Variants in CCDC91 observed in about 807,000 individuals in gnomAD.
CCDC91 encodes coiled-coil domain-containing protein 91.
A neutral mutation model predicts 63.2 loss-of-function variants in CCDC91; 48 were observed. The ratio of observed to expected loss-of-function variants is 0.76; its 90% CI spans 0.60 to 0.97. The LOEUF (loss-of-function observed/expected upper bound fraction) is 0.97. Among genes scored for constraint, CCDC91 ranks in the 50% least tolerant of loss-of-function variants. CCDC91 has a pLI of 0.00. For synonymous variants in CCDC91, 167 were observed against 165.8 expected, an observed-to-expected ratio of 1.01 and a Z score of -0.06; for missense variants, 500 against 494.6, an observed-to-expected ratio of 1.01 and a Z score of -0.10.
At chr12:28,360,852 A>G (rs1943832951) in intron 6 of CCDC91, among the ~76,000 whole-genome samples, 1 of 151,926 alleles carries the variant, frequency 6.6e-6, no homozygotes, top group African/African-American at 2.4e-5. Context: ...TTCACCTATT[A>G]AGCTTTCTGT....
At chr12:28,326,181 G>C (rs1940977383) in intron 6 of CCDC91, among the ~76,000 whole-genome samples, 1 of 151,988 alleles carries the variant, frequency 6.6e-6, no homozygotes, top group Non-Finnish European at 1.5e-5. Context: ...ACATGATGCT[G>C]AGATTCTGCT....
intron 8 of CCDC91, among the ~76,000 whole-genome samples, chr12:28,415,820 G>C (rs1947623025): frequency 6.6e-6 from 1 of 152,026 alleles, no homozygotes. Flanking sequence ...TAAGAATAAA[G>C]TGGAAAAAAG....
intron 11 of CCDC91, among the ~76,000 whole-genome samples, chr12:28,460,802 T>G (rs1950268482): frequency 1.3e-5 from 2 of 152,092 alleles, no homozygotes; most frequent in South Asian, 4.2e-4. Context: ...TGTATGTGTG[T>G]GTGTGTGTGT....
chr12:28,305,876 T>C, intron 4 of CCDC91, 70 bp downstream of exon 4: 1 of 1,330,566 alleles, frequency 7.5e-7, no homozygotes, highest in Non-Finnish European at 1.0e-6. Context: ...AATTGTTGCT[T>C]TTTTAATTTC....
At chr12:28,350,265 TA>T (rs540067083) in intron 6 of CCDC91, among the ~76,000 whole-genome samples, 55 of 152,230 alleles carry the variant, frequency 3.6e-4, no homozygotes, top group Non-Finnish European at 7.8e-4. Context: ...CCATTTCTTT[TA>T]AAGATCTGGT....
chr12:28,314,581 A>T (rs570165699), intron 6 of CCDC91, among the ~76,000 whole-genome samples: 5 of 152,072 alleles, frequency 3.3e-5, no homozygotes, highest in African/African-American at 1.2e-4. Context: ...TGCTGAAGGA[A>T]ATATTAGTAC....
intron 3 of CCDC91, chr12:28,304,544 T>A (rs1938502435): frequency 2.1e-6 from 1 of 476,752 alleles, no homozygotes; most frequent in African/African-American, 2.0e-5. Context: ...ATAAGATAAT[T>A]GAATTCTTAG....
chr12:28,504,891 G>A (rs988328724), intron 12 of CCDC91, among the ~76,000 whole-genome samples: 1 of 151,948 alleles, frequency 6.6e-6, no homozygotes, highest in Non-Finnish European at 1.5e-5. Context: ...TTCTTTTGGA[G>A]TTGTCATTTC....
chr12:28,222,383 T>G (rs1454036756), intron 1 of CCDC91, among the ~76,000 whole-genome samples: 1 of 152,192 alleles, frequency 6.6e-6, no homozygotes, highest in Non-Finnish European at 1.5e-5. Context: ...ATTTTTCATT[T>G]ACTCTGTTCA....
At chr12:28,335,257 CATATAAT>C (rs1014086013) in intron 6 of CCDC91, among the ~76,000 whole-genome samples, 29 of 129,604 alleles carry the variant, frequency 2.2e-4, no homozygotes, top group African/African-American at 4.9e-4. Flanking sequence ...ATATATAATA[CATATAAT>C]ATATAATATA....
At chr12:28,328,964 A>G (rs1329154851) in intron 6 of CCDC91, among the ~76,000 whole-genome samples, 3 of 152,154 alleles carry the variant, frequency 2.0e-5, no homozygotes, top group Non-Finnish European at 4.4e-5. Context: ...GACAATGGAA[A>G]AGAAATGAGA....
intron 10 of CCDC91, among the ~76,000 whole-genome samples, chr12:28,451,915 C>T (rs1949819965): frequency 6.6e-6 from 1 of 151,584 alleles, no homozygotes; most frequent in African/African-American, 2.4e-5. Flanking sequence ...AACTAAAAAA[C>T]ATCATTACAG....
chr12:28,309,494 A>G (rs73263480), intron 6 of CCDC91, among the ~76,000 whole-genome samples: 4,395 of 152,120 alleles, frequency 0.029, 180 homozygotes, highest in African/African-American at 0.095. Context: ...TGTTCTTCAC[A>G]TGCTGCTTAA....
At chr12:28,436,928 C>T (rs1161370963) in intron 8 of CCDC91, among the ~76,000 whole-genome samples, 1 of 151,710 alleles carries the variant, frequency 6.6e-6, no homozygotes, top group South Asian at 2.1e-4. Context: ...TGTACAGCTG[C>T]TGTTAATCTT....
chr12:28,320,544 T>C (rs1362641709), intron 6 of CCDC91, among the ~76,000 whole-genome samples: 1 of 151,908 alleles, frequency 6.6e-6, no homozygotes. Context: ...TTCCCACTTA[T>C]CTGAGGTCAG....
At chr12:28,321,746 A>G (rs1330493153) in intron 6 of CCDC91, among the ~76,000 whole-genome samples, 1 of 151,900 alleles carries the variant, frequency 6.6e-6, no homozygotes, top group Non-Finnish European at 1.5e-5. Context: ...TCTAGCCTCC[A>G]GAATTGTGCA....
chr12:28,460,724 A>G lies in CCDC91; in HGVS notation c.1101+8070A>G, dbSNP rs1592736384. On this transcript the variant is annotated intron_variant, in intron 11 of 12. Transcript: ENST00000536442. Reference sequence around the variant, plus strand: ...AAAAAGATAAAGCCACATTCTTCACATATTTGCATACTATATATACACATG... The same window carrying G: ...AAAAAGATAAAGCCACATTCTTCACGTATTTGCATACTATATATACACATG... Among the ~76,000 whole-genome samples the G allele has an allele frequency of 2.0e-5, 3 of 152,210 alleles. No homozygotes were observed. The East Asian group carries it at 5.8e-4, about 29-fold the overall frequency.
At chr12:28,217,694 T>G (rs1189483644) in intron 1 of CCDC91, among the ~76,000 whole-genome samples, 1 of 151,846 alleles carries the variant, frequency 6.6e-6, no homozygotes, top group Non-Finnish European at 1.5e-5. Flanking sequence ...ATGGGCATGA[T>G]GAAGGCGACC....
At chr12:28,476,682 C>T (rs868575674) in intron 11 of CCDC91, among the ~76,000 whole-genome samples, 60 of 152,034 alleles carry the variant, frequency 3.9e-4, no homozygotes, top group African/African-American at 1.4e-3. Flanking sequence ...CATCCAGGAG[C>T]TTGTTTTTTG....
Sources: gnomAD v4.1 joint callset for allele counts (sites outside exome capture counted in the v4.1 genomes callset) on GRCh38, gnomAD v4.1.1 for gene constraint, MANE v1.5 for transcripts, NCBI Gene and HGNC (gene_info 2026-07-23, HGNC 2026-07-21) for gene names.